AFAP1: variants seen among roughly 807,000 people sequenced by gnomAD.
The protein encoded by AFAP1 is actin filament-associated protein 1.
A neutral mutation model predicts 93.9 loss-of-function variants in AFAP1; 75 were observed. The observed-to-expected ratio is 0.80, with a 90% CI of 0.66 to 0.97. The LOEUF is 0.97. AFAP1 is among the 50% of genes least tolerant of loss of function. AFAP1 has a pLI of 0.00. For missense variants in AFAP1, 1,201 were observed against 1,050.8 expected (o/e 1.14, Z -1.98); for synonymous variants, 517 against 430.7 (o/e 1.20, Z -2.48).
chr4:7,873,944 G>A (rs1457407111), intron 1 of AFAP1, among the ~76,000 whole-genome samples: 7 of 152,166 alleles, frequency 4.6e-5, no homozygotes, highest in Admixed American at 1.3e-4. Context: ...CAAAAGTTGA[G>A]CTTCCAAGTG....
At chr4:7,839,590 T>C (rs1238755222) in intron 5 of AFAP1, among the ~76,000 whole-genome samples, 1 of 152,182 alleles carries the variant, frequency 6.6e-6, no homozygotes, top group African/African-American at 2.4e-5. Flanking sequence ...CAAATTATTT[T>C]AGTAAGAGGA....
intron 11 of AFAP1, among the ~76,000 whole-genome samples, chr4:7,789,214 T>A (rs1717599159): frequency 6.6e-6 from 1 of 152,064 alleles, no homozygotes; most frequent in South Asian, 2.1e-4. Flanking sequence ...TTGGTGTCTT[T>A]CCACAATAGG....
Position 7,774,827 on chromosome 4 carries a change from C to T in AFAP1, c.1974G>A (p.Leu658=). ...TCCGCAGGGCCTCTTTCCTCTTCAGCAGCTCCTCCTCTTTGGTCTGTAGCC... is the reference window on the plus strand; with the variant it reads ...TCCGCAGGGCCTCTTTCCTCTTCAGTAGCTCCTCCTCTTTGGTCTGTAGCC... ...AKRLQTKEEE[L]LKRKEALRNR... is the part of the protein sequence containing the mutation. The change falls in exon 15 of 18, where the codon CTG becomes CTA. Residue 658 remains leucine, a synonymous_variant. Transcript: ENST00000420658. 6.2e-7 allele frequency: 1 copy of T among 1,614,240 alleles called. No individual in the cohort carries two copies. Among genetic ancestry groups the T allele is most frequent in the South Asian group, 1.1e-5 (1 of 91,088 alleles).
intron 9 of AFAP1, 125 bp from the exon 10 acceptor site, chr4:7,800,778 G>C (rs1188993125): frequency 1.1e-6 from 1 of 919,810 alleles, no homozygotes; most frequent in Non-Finnish European, 1.7e-6. Context: ...TCACACGATC[G>C]ATCAAGCTTT....
intron 6 of AFAP1, 30 bp from the exon 7 acceptor site, chr4:7,819,201 T>C (rs138259433): frequency 7.5e-5 from 119 of 1,577,014 alleles, no homozygotes; most frequent in African/African-American, 7.2e-4. Context: ...TTTGTGAGTA[T>C]GCCCAAAGGC....
intron 4 of AFAP1, among the ~76,000 whole-genome samples, chr4:7,850,848 C>A (rs1479608393): frequency 6.6e-6 from 1 of 152,256 alleles, no homozygotes; most frequent in East Asian, 1.9e-4. Flanking sequence ...AGATGAGTTG[C>A]AGTTTGACCT....
intron 6 of AFAP1, among the ~76,000 whole-genome samples, chr4:7,837,702 A>G (rs1712471208): frequency 6.6e-6 from 1 of 152,188 alleles, no homozygotes; most frequent in Non-Finnish European, 1.5e-5. Flanking sequence ...AACAAGAAAA[A>G]TAAACCAGAC....
chr4:7,829,293 T>C lies in AFAP1; in HGVS notation c.726+9231A>G, dbSNP rs527697034. 3.3e-5 allele frequency among the ~76,000 whole-genome samples: 5 copies of C among 152,370 alleles called. No homozygotes were observed. The South Asian group carries it at 8.3e-4, about 25-fold the overall frequency. ...TCCTTTTCCTGGCTGTGTTATATTATGCTGAACTTAAGAAGCAATTATAAA... is the reference window on the plus strand; with the variant it reads ...TCCTTTTCCTGGCTGTGTTATATTACGCTGAACTTAAGAAGCAATTATAAA... On this transcript the variant is annotated intron_variant, in intron 6 of 17. Transcript: ENST00000420658.
At chr4:7,836,552 T>C (rs1390990638) in intron 6 of AFAP1, among the ~76,000 whole-genome samples, 6 of 152,324 alleles carry the variant, frequency 3.9e-5, no homozygotes, top group Middle Eastern at 3.4e-3. Flanking sequence ...GCTCAGGTGA[T>C]TCTCCCACCT....
chr4:7,834,064 TCAA>T, intron 6 of AFAP1, among the ~76,000 whole-genome samples: 1 of 143,606 alleles, frequency 7.0e-6, no homozygotes, highest in South Asian at 2.2e-4. Flanking sequence ...TGCCCATCAA[TCAA>T]CAAGTTGATA....
Position 7,778,770 on chromosome 4 carries a change from G to A in AFAP1, c.1889C>T (p.Thr630Met), listed in dbSNP as rs139547625. Residue 630 changes from threonine (T) to methionine (M), a missense_variant, in exon 14 of 18, where the codon ACG (threonine) becomes ATG (methionine). Physicochemically the swap from Thr to Met is moderately conservative, Grantham distance 81 (BLOSUM62 -1). Coordinates refer to ENST00000420658, the MANE Select transcript of AFAP1 (RefSeq NM_001134647.2). ...TCCGATGGTATACTTACTCGAACCCGTCCTTTTCACAACAGCCGCGGGATC... is the reference window on the plus strand; with the variant it reads ...TCCGATGGTATACTTACTCGAACCCATCCTTTTCACAACAGCCGCGGGATC... Reference protein sequence around the residue: ...KADPAAVVKRTGSNAAQYKYG... With the variant: ...KADPAAVVKRMGSNAAQYKYG... 5.0e-5 allele frequency: 80 copies of A among 1,613,884 alleles called. No homozygotes were observed. The highest frequency in any genetic ancestry group is 1.3e-4 in the African/African-American group (10 of 75,034).
chr4:7,802,050 C>CG (rs71647625), intron 9 of AFAP1, among the ~76,000 whole-genome samples: 1 of 41,422 alleles, frequency 2.4e-5, no homozygotes, highest in African/African-American at 2.0e-4. Flanking sequence ...GCTATAAAGA[C>CG]AAAAAAAGAG....
chr4:7,883,873 A>G (rs1717992921), intron 1 of AFAP1, among the ~76,000 whole-genome samples: 1 of 152,246 alleles, frequency 6.6e-6, no homozygotes. Flanking sequence ...AACATCAAAA[A>G]GATGTCAATT....
At chr4:7,846,446 T>C (rs1310503723) in intron 4 of AFAP1, among the ~76,000 whole-genome samples, 2 of 152,152 alleles carry the variant, frequency 1.3e-5, no homozygotes, top group Admixed American at 1.3e-4. Context: ...CAACGTAAAC[T>C]GAGGGGTTCT....
chr4:7,833,322 C>T, intron 6 of AFAP1, among the ~76,000 whole-genome samples: 1 of 152,072 alleles, frequency 6.6e-6, no homozygotes, highest in East Asian at 1.9e-4. Context: ...CAAACAATCC[C>T]ATCAAAAGTG....
intron 4 of AFAP1, among the ~76,000 whole-genome samples, chr4:7,852,114 T>C (rs942314837): frequency 2.0e-5 from 3 of 152,196 alleles, no homozygotes; most frequent in Admixed American, 1.3e-4. Flanking sequence ...GGTGATACCT[T>C]GTAGGCTTGG....
intron 9 of AFAP1, among the ~76,000 whole-genome samples, chr4:7,802,067 G>A (rs1049535477): frequency 6.6e-6 from 1 of 152,074 alleles, no homozygotes; most frequent in African/African-American, 2.4e-5. Context: ...AGAGAGGTAT[G>A]TTCAGGACCC....
intron 12 of AFAP1, among the ~76,000 whole-genome samples, chr4:7,784,597 G>A (rs899811716): frequency 3.9e-4 from 60 of 152,114 alleles, no homozygotes; most frequent in Non-Finnish European, 1.8e-4. Context: ...TGGGGGCCTC[G>A]CACAGAAAGG....
chr4:7,842,301 C>CAAAAAAAAAAAAAAAAAAAAAAAAAA (rs57050150), intron 5 of AFAP1, among the ~76,000 whole-genome samples: 3 of 94,898 alleles, frequency 3.2e-5, no homozygotes, highest in Non-Finnish European at 6.0e-5. Flanking sequence ...CCTGGATTTA[C>CAAAAAAAAAAAAAAAAAAAAAAAAAA]AAAAAAAAAA....
Sources: allele counts gnomAD v4.1 joint callset (sites outside exome capture counted in the v4.1 genomes callset), GRCh38; gene constraint gnomAD v4.1.1; transcripts MANE v1.5; gene names NCBI Gene and HGNC (gene_info 2026-07-23, HGNC 2026-07-21).